MICALL1: variants seen among roughly 807,000 people sequenced by gnomAD.
MICALL1 encodes MICAL like 1.
Under a neutral mutation model 83.7 loss-of-function variants are expected in MICALL1, and 61 were observed. That is an observed-to-expected ratio of 0.73 (90% CI 0.59 to 0.90). The LOEUF (loss-of-function observed/expected upper bound fraction) is 0.90. MICALL1 is among the 40% of genes least tolerant of loss of function. MICALL1 has a pLI of 0.00. For missense variants in MICALL1, 1,066 were observed against 1,152.0 expected (o/e 0.93, Z 1.08); for synonymous variants, 481 against 473.6 (o/e 1.02, Z -0.20).
rs1929853994 is a variant in MICALL1, at chr22:37,932,634, C to T, written c.2098C>T (p.His700Tyr). 1.9e-6 allele frequency: 3 copies of T among 1,614,002 alleles called. No homozygotes were observed. The highest frequency in any genetic ancestry group is 1.3e-5 in the African/African-American group (1 of 74,944). ...TGAGCGCCGGCTGGATGCCCTGGAG[C>T]ACCGTGGGGTGCTGCTGGAGGAGAA... ...TIERRLDALE[H>Y]RGVLLEEKLR... The change falls in exon 11 of 16, where the codon CAC becomes TAC. Residue 700 changes from histidine (H) to tyrosine (Y), a missense_variant. Coordinates refer to ENST00000215957, the MANE Select transcript of MICALL1 (RefSeq NM_033386.4). The surrounding 1 kb of genome is among the most constrained non-coding windows in gnomAD (Gnocchi z 4.4).
intron 13 of MICALL1, among the ~76,000 whole-genome samples, chr22:37,934,813 G>C (rs1232052843): frequency 6.6e-6 from 1 of 151,020 alleles, no homozygotes; most frequent in Non-Finnish European, 1.5e-5. Flanking sequence ...AGCCAGGATG[G>C]TCTCGATCTC....
chr22:37,934,004 C>T (rs970152860), intron 13 of MICALL1, among the ~76,000 whole-genome samples: 1 of 152,204 alleles, frequency 6.6e-6, no homozygotes, highest in Non-Finnish European at 1.5e-5. Flanking sequence ...CACAGAATGT[C>T]CCAGGCTTCC....
chr22:37,912,591 C>T, intron 3 of MICALL1, 99 bp downstream of exon 3: 1 of 1,153,510 alleles, frequency 8.7e-7, no homozygotes, highest in Non-Finnish European at 1.2e-6. Flanking sequence ...AAACAGGCTG[C>T]TGAGGAGTGT....
At chr22:37,928,332 G>A (rs143978437) in intron 9 of MICALL1, among the ~76,000 whole-genome samples, 1,711 of 150,736 alleles carry the variant, frequency 0.011, 30 homozygotes, top group African/African-American at 0.04. Flanking sequence ...TCAGTCTCCC[G>A]AGTAGCTGGG....
At chr22:37,917,153 T>A (rs1371310245) in intron 3 of MICALL1, among the ~76,000 whole-genome samples, 1 of 152,118 alleles carries the variant, frequency 6.6e-6, no homozygotes, top group African/African-American at 2.4e-5. Context: ...ATTATAGACG[T>A]GAGCCACTGT....
chr22:37,925,450 C>T (rs954044217), intron 7 of MICALL1, among the ~76,000 whole-genome samples: 2 of 152,122 alleles, frequency 1.3e-5, no homozygotes, highest in African/African-American at 4.8e-5. Context: ...TTAACAGCAG[C>T]TCTGTGACTT....
chr22:37,932,489 G>C lies in MICALL1; in HGVS notation c.2017-64G>C. On this transcript the variant is annotated intron_variant, in intron 10 of 15. Coordinates refer to ENST00000215957, the MANE Select transcript of MICALL1 (RefSeq NM_033386.4). The surrounding 1 kb of genome is among the most constrained non-coding windows in gnomAD (Gnocchi z 4.4). ...CCACCAGTGGCCAATGCTGGCCAGA[G>C]AAGAGGGCAAGGCTCCTGGCAGCAA... 6.3e-7 allele frequency: 1 copy of C among 1,596,762 alleles called. No homozygotes were observed. The highest frequency in any genetic ancestry group is 8.6e-7 in the Non-Finnish European group (1 of 1,169,544).
rs138692942 is a variant in MICALL1 at position 37,915,548 on chromosome 22, A to C, written c.338-2159A>C. 3.4e-4 allele frequency among the ~76,000 whole-genome samples: 52 copies of C among 152,196 alleles called. No individual in the cohort carries two copies. The East Asian group carries it at 8.9e-3, about 26-fold the overall frequency. ...CACTCTGCCTCAGTTTCCCTTTTGC[A>C]GTGAGGATAGGAATAACACCCATCT... On this transcript the variant is annotated intron_variant, in intron 3 of 15. Transcript: ENST00000215957.
At position 37,930,251 on chromosome 22, in the gene MICALL1, G is replaced by A. The variant is rs1438752730; in HGVS notation, c.1882-1548G>A. The stretch of plus-strand genomic sequence containing the variant: ...TGTTAGAGGGAGGGGGCAGAACCCC[G>A]GGTGCACTTGCTTGTGGGGAACCCC... On this transcript the variant is annotated intron_variant, in intron 9 of 15. Coordinates refer to ENST00000215957, the MANE Select transcript of MICALL1 (RefSeq NM_033386.4). The surrounding 1 kb of genome is among the most constrained non-coding windows in gnomAD (Gnocchi z 4.8). Among the ~76,000 whole-genome samples the A allele has an allele frequency of 2.0e-5, 3 of 152,194 alleles. No individual in the cohort carries two copies. The highest frequency in any genetic ancestry group is 2.9e-5 in the Non-Finnish European group (2 of 68,022).
At position 37,930,081 on chromosome 22, in the gene MICALL1, G is replaced by A. The variant is rs535289416; in HGVS notation, c.1882-1718G>A. ...CTGGTTCCTTGGTGGTGGAGGGCAC[G>A]GGGGTGGGTCACCTTCGGATTCTCG... On this transcript the variant is annotated intron_variant, in intron 9 of 15. Transcript: ENST00000215957. This position sits in a 1 kb window ranked among gnomAD's most constrained non-coding sequence, Gnocchi z 4.8. 3.3e-5 allele frequency among the ~76,000 whole-genome samples: 5 copies of A among 152,340 alleles called. No individual in the cohort carries two copies. Among genetic ancestry groups the A allele is most frequent in the East Asian group, 1.9e-4 (1 of 5,188 alleles).
chr22:37,936,889 C>T (rs569734862), intron 13 of MICALL1, among the ~76,000 whole-genome samples, 191 bp from the exon 14 acceptor site: 10 of 150,172 alleles, frequency 6.7e-5, no homozygotes, highest in African/African-American at 2.2e-4. Flanking sequence ...GAGACTCCGT[C>T]TCAAAAAAAA....
intron 4 of MICALL1, 85 bp from the exon 5 acceptor site, chr22:37,918,951 T>TG: frequency 7.1e-7 from 1 of 1,409,974 alleles, no homozygotes; most frequent in Non-Finnish European, 9.4e-7. Flanking sequence ...CGGTGGCCGT[T>TG]GGAGGGAGGG....
chr22:37,926,096 C>A, intron 8 of MICALL1, 53 bp downstream of exon 8: 1 of 1,417,442 alleles, frequency 7.1e-7, no homozygotes, highest in Non-Finnish European at 9.6e-7. Flanking sequence ...GGGTGGGGCC[C>A]GGGCCTGGGG....
At chr22:37,939,751 G>A (rs1331810054) in intron 15 of MICALL1, among the ~76,000 whole-genome samples, 1 of 139,922 alleles carries the variant, frequency 7.1e-6, no homozygotes, top group African/African-American at 2.7e-5. Flanking sequence ...TCCAGCCTGG[G>A]CGACAGCACA....
intron 1 of MICALL1, among the ~76,000 whole-genome samples, chr22:37,910,336 T>C (rs1569134255): frequency 6.6e-6 from 1 of 152,076 alleles, no homozygotes; most frequent in Non-Finnish European, 1.5e-5. Context: ...CCAGCCTTCT[T>C]GGAACACTTC....
At chr22:37,911,822 G>C (rs1360943016) in intron 1 of MICALL1, 130 bp from the exon 2 acceptor site, 1 of 861,364 alleles carries the variant, frequency 1.2e-6, no homozygotes, top group African/African-American at 1.7e-5. Context: ...CTCCCCCCCA[G>C]CAACCCTGCT....
At chr22:37,919,665 A>G (rs923832388) in intron 5 of MICALL1, among the ~76,000 whole-genome samples, 1 of 149,974 alleles carries the variant, frequency 6.7e-6, no homozygotes, top group South Asian at 2.1e-4. Context: ...AGGCCATTGA[A>G]AAAATAAAAT....
intron 1 of MICALL1, among the ~76,000 whole-genome samples, chr22:37,908,189 G>A (rs533491227): frequency 2.5e-4 from 38 of 152,244 alleles, no homozygotes; most frequent in Middle Eastern, 3.4e-3. Flanking sequence ...TCATCTGTGA[G>A]GTGGGATTGA....
At chr22:37,921,884 G>A (rs1037054852) in intron 5 of MICALL1, 88 bp from the exon 6 acceptor site, 10 of 1,300,012 alleles carry the variant, frequency 7.7e-6, no homozygotes, top group Non-Finnish European at 1.1e-5. Flanking sequence ...AGGGAAGGGA[G>A]GAGACAGCCC....
Sources: allele counts gnomAD v4.1 joint callset (sites outside exome capture counted in the v4.1 genomes callset), GRCh38; gene constraint gnomAD v4.1.1; non-coding constraint Gnocchi (gnomAD v3.1); transcripts MANE v1.5; gene names NCBI Gene and HGNC (gene_info 2026-07-23, HGNC 2026-07-21).